Variants in MYLK4 observed in about 807,000 individuals in gnomAD.
The protein encoded by MYLK4 is myosin light chain kinase family member 4, also known as caMLCK like.
A neutral mutation model predicts 48.1 loss-of-function variants in MYLK4; 46 were observed. The observed-to-expected ratio is 0.96, with a 90% CI of 0.75 to 1.22. MYLK4 has a LOEUF of 1.22. MYLK4 is among the 50% of genes most tolerant of loss of function. MYLK4 has a pLI of 0.00. For missense variants in MYLK4, 451 were observed against 486.1 expected (o/e 0.93, Z 0.68); for synonymous variants, 170 against 180.8 (o/e 0.94, Z 0.48).
the MYLK4 span, among the ~76,000 whole-genome samples, chr6:2,766,862 C>G: frequency 1.3e-5 from 2 of 148,502 alleles, no homozygotes; most frequent in Admixed American, 1.4e-4. Context: ...ATAACGGATT[C>G]AGCTTTGAAA....
intron 2 of MYLK4, among the ~76,000 whole-genome samples, chr6:2,714,586 G>A (rs1245557761): frequency 2.0e-5 from 3 of 152,220 alleles, no homozygotes; most frequent in Non-Finnish European, 2.9e-5. Context: ...ATTATCATAT[G>A]ACCCAGCAAT....
chr6:2,672,146 G>T lies in MYLK4; in HGVS notation c.1120-798C>A, dbSNP rs1282426085. Among the ~76,000 whole-genome samples, 1 of 152,198 alleles carries T rather than the reference G, an allele frequency of 6.6e-6. No homozygotes were observed. Among genetic ancestry groups the T allele is most frequent in the Non-Finnish European group, 1.5e-5 (1 of 68,040 alleles). On this transcript the variant is annotated intron_variant, in intron 11 of 12. Coordinates refer to ENST00000274643, the MANE Select transcript of MYLK4 (RefSeq NM_001012418.5). The surrounding 1 kb of genome is among the most constrained non-coding windows in gnomAD (Gnocchi z 4.3). ...ACAACACTGAGAATGGGAAGGAAGG[G>T]TCAGAGGCTTCTTAGCTCTGGGGGA...
At chr6:2,720,615 A>T (rs1763035282) in intron 2 of MYLK4, among the ~76,000 whole-genome samples, 1 of 152,178 alleles carries the variant, frequency 6.6e-6, no homozygotes. Flanking sequence ...AAAATGTATT[A>T]AATCTATGTC....
In MYLK4 at chr6:2,692,833, G is replaced by T; in HGVS notation, c.186C>A (p.Asp62Glu). 6.2e-7 allele frequency: 1 copy of T among 1,613,638 alleles called. No individual in the cohort carries two copies. Among genetic ancestry groups the T allele is most frequent in the Non-Finnish European group, 8.5e-7 (1 of 1,179,836 alleles). The change falls in exon 3 of 13, where the codon GAC becomes GAA. Residue 62 changes from aspartate to glutamate, a missense_variant. Transcript: ENST00000274643. ...NEAKEVWSNA[D>E]LTERMPVKSK... ...TTTTGACGGGCATCCTTTCCGTCAG[G>T]TCGGCGTTTGACCACACCTCCTTCG...
chr6:2,695,557 T>C (rs547494730), intron 2 of MYLK4, among the ~76,000 whole-genome samples: 28 of 152,338 alleles, frequency 1.8e-4, no homozygotes, highest in African/African-American at 6.5e-4. Flanking sequence ...TCTTTAGTAA[T>C]TATATATCAC....
intron 3 of MYLK4, among the ~76,000 whole-genome samples, chr6:2,690,618 A>G (rs1349665433): frequency 6.6e-6 from 1 of 152,062 alleles, no homozygotes; most frequent in Non-Finnish European, 1.5e-5. Context: ...CACGCTCCCC[A>G]TCAAGTCTAT....
chr6:2,763,363 G>T, the MYLK4 span, among the ~76,000 whole-genome samples: 3 of 152,238 alleles, frequency 2.0e-5, no homozygotes, highest in Admixed American at 2.0e-4. Context: ...GGTGGTGAAC[G>T]GCCCTGGGTG....
intron 2 of MYLK4, among the ~76,000 whole-genome samples, chr6:2,736,501 T>C (rs1162021507): frequency 6.6e-6 from 1 of 152,244 alleles, no homozygotes; most frequent in South Asian, 2.1e-4. Context: ...TGGAATAATA[T>C]TAAAAATCTC....
the MYLK4 span, among the ~76,000 whole-genome samples, chr6:2,765,121 G>A: frequency 6.6e-6 from 1 of 151,506 alleles, no homozygotes; most frequent in African/African-American, 2.4e-5. Flanking sequence ...TCGCAGGCCT[G>A]GGCGGAGGGC....
At chr6:2,744,847 G>T (rs955172649) in intron 2 of MYLK4, among the ~76,000 whole-genome samples, 2 of 152,206 alleles carry the variant, frequency 1.3e-5, no homozygotes, top group African/African-American at 4.8e-5. Context: ...ATGAAGGAAG[G>T]CTTTCAAACA....
intron 2 of MYLK4, 47 bp from the exon 3 acceptor site, chr6:2,692,906 C>A: frequency 6.4e-7 from 1 of 1,552,222 alleles, no homozygotes; most frequent in Non-Finnish European, 8.8e-7. Context: ...CACATCTGGG[C>A]TTTTCAACCT....
upstream of MYLK4, among the ~76,000 whole-genome samples, chr6:2,751,263 C>T (rs1764281069): frequency 6.6e-6 from 1 of 152,318 alleles, no homozygotes; most frequent in African/African-American, 2.4e-5. Context: ...CCAGGTGTGG[C>T]AACCCCACAG....
At chr6:2,703,463 T>C (rs1762373869) in intron 2 of MYLK4, among the ~76,000 whole-genome samples, 1 of 152,160 alleles carries the variant, frequency 6.6e-6, no homozygotes, top group South Asian at 2.1e-4. Flanking sequence ...CCTTAGGCCC[T>C]GGGACGGTGG....
At chr6:2,769,379 T>C in the MYLK4 span, among the ~76,000 whole-genome samples, 1 of 152,140 alleles carries the variant, frequency 6.6e-6, no homozygotes, top group African/African-American at 2.4e-5. Context: ...GGACACAAGC[T>C]ATTTTTATAA....
At chr6:2,682,853 A>G (rs979089049) in intron 7 of MYLK4, among the ~76,000 whole-genome samples, 168 bp downstream of exon 7, 2 of 152,184 alleles carry the variant, frequency 1.3e-5, no homozygotes, top group African/African-American at 2.4e-5. Flanking sequence ...TGCAAATATT[A>G]GGGAGTGACA....
intron 2 of MYLK4, 43 bp downstream of exon 2, chr6:2,749,093 T>C (rs781759956): frequency 6.4e-6 from 10 of 1,569,002 alleles, no homozygotes; most frequent in South Asian, 1.1e-5. Context: ...AAAGATAAGA[T>C]AGAATGAATA....
At chr6:2,733,872 C>T (rs145401150) in intron 2 of MYLK4, among the ~76,000 whole-genome samples, 1 of 152,068 alleles carries the variant, frequency 6.6e-6, no homozygotes, top group Non-Finnish European at 1.5e-5. Context: ...ACTAGGGGAA[C>T]CTCGCAATCT....
rs5873836 is a variant in MYLK4, at chr6:2,692,642, A to AG, written c.235+141dup. 2.7e-3 allele frequency: 561 copies of AG among 211,424 alleles called. 1 individual carries two copies. Among genetic ancestry groups the AG allele is most frequent in the African/African-American group, 6.0e-3 (174 of 28,848 alleles). 13.1% of individuals were successfully genotyped at this position (211,424 alleles called of 1,614,324 possible). ...CCCAAACACAAGCAAAAAAAAAAAAAGGGGGGGGGGGGCATTTTTTTATAA... is the reference window on the plus strand; with the variant it reads ...CCCAAACACAAGCAAAAAAAAAAAAAGGGGGGGGGGGGGCATTTTTTTATAA... On this transcript the variant is annotated intron_variant, in intron 3 of 12. Coordinates refer to ENST00000274643, the MANE Select transcript of MYLK4 (RefSeq NM_001012418.5).
intron 2 of MYLK4, among the ~76,000 whole-genome samples, chr6:2,700,688 A>C (rs1284728987): frequency 6.6e-6 from 1 of 152,188 alleles, no homozygotes. Flanking sequence ...TCTATGGGGC[A>C]TCCTGGGAGG....
Sources: allele counts gnomAD v4.1 joint callset (sites outside exome capture counted in the v4.1 genomes callset), GRCh38; gene constraint gnomAD v4.1.1; non-coding constraint Gnocchi (gnomAD v3.1); transcripts MANE v1.5; gene names NCBI Gene and HGNC (gene_info 2026-07-23, HGNC 2026-07-21).